Variants in MACROD2 observed in about 807,000 individuals in gnomAD.
MACROD2 encodes ADP-ribose glycohydrolase MACROD2.
MACROD2 carries 36 observed loss-of-function variants against 70.4 expected under a neutral mutation model. That is an observed-to-expected ratio of 0.51 (90% confidence interval 0.39 to 0.68). The LOEUF (loss-of-function observed/expected upper bound fraction) is 0.68, where lower values mean the gene tolerates loss of function less well. MACROD2 is among the 30% of genes least tolerant of loss of function. The probability of loss-of-function intolerance (pLI) is 0.00; values close to 1 mark genes in which losing one functional copy is unlikely to be tolerated. For synonymous variants in MACROD2, 172 were observed against 178.8 expected (o/e 0.96, Z 0.30); for missense variants, 496 against 538.4 (o/e 0.92, Z 0.78).
chr20:15,056,297 T>C (rs747874908), intron 5 of MACROD2, among the ~76,000 whole-genome samples: 2 of 152,220 alleles, frequency 1.3e-5, no homozygotes, highest in Non-Finnish European at 2.9e-5. Context: ...TGGCTATTTG[T>C]GGGAAACCTC....
At chr20:15,887,301 C>T (rs1161086450) in intron 10 of MACROD2, among the ~76,000 whole-genome samples, 1 of 152,162 alleles carries the variant, frequency 6.6e-6, no homozygotes, top group Non-Finnish European at 1.5e-5. Flanking sequence ...CTACTCTTCT[C>T]CAGTCCAAAC....
intron 3 of MACROD2, among the ~76,000 whole-genome samples, chr20:14,372,815 C>T (rs546356344): frequency 1.8e-4 from 28 of 152,212 alleles, no homozygotes; most frequent in Middle Eastern, 3.4e-3. Flanking sequence ...TAGTCCATAT[C>T]CAGGTAGAAA....
intron 5 of MACROD2, among the ~76,000 whole-genome samples, chr20:15,056,572 A>G (rs767389147): frequency 1.2e-3 from 185 of 152,284 alleles, no homozygotes; most frequent in Non-Finnish European, 1.9e-3. Flanking sequence ...CTTCCACTCA[A>G]ACTACTTGGT....
intron 5 of MACROD2, among the ~76,000 whole-genome samples, chr20:14,742,463 G>A (rs6135245): frequency 1.3e-5 from 2 of 151,762 alleles, no homozygotes; most frequent in African/African-American, 4.8e-5. Flanking sequence ...GTCAAATTTA[G>A]GTTTGATTAT....
intron 5 of MACROD2, among the ~76,000 whole-genome samples, chr20:14,985,801 G>A (rs529992136): frequency 4.0e-5 from 6 of 150,784 alleles, no homozygotes; most frequent in Non-Finnish European, 7.4e-5. Flanking sequence ...GAGATATGGG[G>A]CCAGGGTCGG....
chr20:14,996,828 G>T (rs971739109), intron 5 of MACROD2, among the ~76,000 whole-genome samples: 2 of 152,072 alleles, frequency 1.3e-5, no homozygotes, highest in Non-Finnish European at 2.9e-5. Flanking sequence ...AAGGGGAACC[G>T]TCCACACCAG....
chr20:14,871,088 A>G (rs1376045140), intron 5 of MACROD2, among the ~76,000 whole-genome samples: 1 of 152,140 alleles, frequency 6.6e-6, no homozygotes, highest in Admixed American at 6.6e-5. Context: ...CAACTTGGAA[A>G]ACATATTTCA....
chr20:15,365,522 A>G (rs2045396820), intron 6 of MACROD2, among the ~76,000 whole-genome samples: 1 of 152,010 alleles, frequency 6.6e-6, no homozygotes, highest in Admixed American at 6.6e-5. Flanking sequence ...TTAGCCGGGC[A>G]TGGTGGCATG....
chr20:14,885,862 T>A (rs908562147), intron 5 of MACROD2, among the ~76,000 whole-genome samples: 9 of 152,212 alleles, frequency 5.9e-5, no homozygotes, highest in Admixed American at 2.0e-4. Flanking sequence ...GGGAAGAATT[T>A]TATGACCCTT....
intron 3 of MACROD2, among the ~76,000 whole-genome samples, chr20:14,356,389 A>G (rs570183060): frequency 6.6e-6 from 1 of 152,274 alleles, no homozygotes; most frequent in East Asian, 1.9e-4. Context: ...GTGCCCTAAA[A>G]TAACATGAAA....
intron 8 of MACROD2, among the ~76,000 whole-genome samples, chr20:15,811,490 C>G (rs1162848227): frequency 6.6e-6 from 1 of 152,186 alleles, no homozygotes; most frequent in Admixed American, 6.6e-5. Flanking sequence ...CTGACAGTGA[C>G]CTTGTATCTC....
chr20:15,311,060 AGTAAAGTAG>A (rs760307387), intron 6 of MACROD2, among the ~76,000 whole-genome samples: 7 of 152,244 alleles, frequency 4.6e-5, no homozygotes, highest in Non-Finnish European at 8.8e-5. Flanking sequence ...GTAAAGACTT[AGTAAAGTAG>A]GTAAAGTAGG....
At chr20:14,086,279 C>A in intron 3 of MACROD2, 2 of 286,774 alleles carry the variant, frequency 7.0e-6, no homozygotes, top group Non-Finnish European at 1.4e-5. Context: ...AGTTAATTTT[C>A]CTATTTCAAC....
At chr20:14,325,629 A>C in intron 3 of MACROD2, 1 of 1,613,616 alleles carries the variant, frequency 6.2e-7, no homozygotes, top group Middle Eastern at 1.7e-4. Flanking sequence ...TTTCACTGTG[A>C]TTGTTTTTGT....
chr20:14,777,173 A>G (rs532531538), intron 5 of MACROD2, among the ~76,000 whole-genome samples: 5 of 152,204 alleles, frequency 3.3e-5, no homozygotes, highest in Admixed American at 6.5e-5. Flanking sequence ...TTGCATGCCT[A>G]GGTTTGGGAC....
At chr20:15,743,111 A>G (rs1226089086) in intron 8 of MACROD2, among the ~76,000 whole-genome samples, 1 of 152,204 alleles carries the variant, frequency 6.6e-6, no homozygotes, top group African/African-American at 2.4e-5. Flanking sequence ...AGTAATGACA[A>G]AGAAGAACCT....
rs73267374 is a variant in MACROD2, at chr20:14,042,495, A to G, written c.163+40091A>G. Among the ~76,000 whole-genome samples, 233 of 152,078 alleles carry G rather than the reference A, an allele frequency of 1.5e-3. 1 individual carries two copies. The highest frequency in any genetic ancestry group is 5.3e-3 in the African/African-American group (220 of 41,456). On this transcript the variant is annotated intron_variant, in intron 2 of 17. Transcript: ENST00000684519. ...TGCAGACACCAGCTAGTGTCCTCCA[A>G]TTCAATTCTTTTCTTCTTTTTGAGA...
At chr20:15,818,317 G>A (rs2063899287) in intron 8 of MACROD2, among the ~76,000 whole-genome samples, 2 of 152,168 alleles carry the variant, frequency 1.3e-5, no homozygotes, top group Admixed American at 1.3e-4. Context: ...TAAACAAATT[G>A]TGAATTATTC....
chr20:14,757,939 C>T, intron 5 of MACROD2: 1 of 1,028,830 alleles, frequency 9.7e-7, no homozygotes, highest in Non-Finnish European at 1.5e-6. Flanking sequence ...GAGATACCTA[C>T]AGACGGAGTG....
Sources: allele counts gnomAD v4.1 joint callset (sites outside exome capture counted in the v4.1 genomes callset), GRCh38; gene constraint gnomAD v4.1.1; transcripts MANE v1.5; gene names NCBI Gene and HGNC (gene_info 2026-07-23, HGNC 2026-07-21).